TENM4: variants seen among roughly 807,000 people sequenced by gnomAD.
TENM4 encodes the protein teneurin transmembrane protein 4.
A neutral mutation model predicts 243.3 loss-of-function variants in TENM4; 82 were observed. The ratio of observed to expected loss-of-function variants is 0.34; its 90% CI spans 0.28 to 0.40. TENM4 has a LOEUF of 0.40. Ranked by LOEUF, TENM4 falls within the 10% of genes least tolerant of loss-of-function variation. The probability of loss-of-function intolerance (pLI) is 1.00; values close to 1 mark genes in which losing one functional copy is unlikely to be tolerated. For missense variants in TENM4, 3,138 were observed against 3,673.3 expected, an observed-to-expected ratio of 0.85 and a Z score of 3.77; for synonymous variants, 1,412 against 1,456.3, an observed-to-expected ratio of 0.97 and a Z score of 0.69.
At chr11:79,101,750 A>C (rs1861237999) in intron 4 of TENM4, among the ~76,000 whole-genome samples, 1 of 152,238 alleles carries the variant, frequency 6.6e-6, no homozygotes, top group Admixed American at 6.5e-5. Context: ...CACTGCTGGC[A>C]GAAAAGTACT....
chr11:78,925,352 A>G (rs982617742), intron 6 of TENM4, among the ~76,000 whole-genome samples: 1 of 152,092 alleles, frequency 6.6e-6, no homozygotes, highest in Non-Finnish European at 1.5e-5. Context: ...TGTTAGTAGT[A>G]GTAGTTTTCC....
intron 1 of TENM4, among the ~76,000 whole-genome samples, chr11:79,428,245 T>C (rs1225364167): frequency 4.6e-5 from 7 of 152,158 alleles, no homozygotes; most frequent in South Asian, 2.1e-4. Flanking sequence ...CTCTCCAAAA[T>C]ACAACACATT....
intron 3 of TENM4, among the ~76,000 whole-genome samples, chr11:79,153,664 G>T (rs931539431): frequency 6.6e-6 from 1 of 152,162 alleles, no homozygotes; most frequent in African/African-American, 2.4e-5. Context: ...AAGGGGAAGG[G>T]TAGTTTTCTG....
chr11:78,821,701 C>A (rs1857737854), intron 12 of TENM4, among the ~76,000 whole-genome samples: 1 of 152,140 alleles, frequency 6.6e-6, no homozygotes, highest in African/African-American at 2.4e-5. Flanking sequence ...ATTGAAAATT[C>A]AGCTTACTAA....
intron 19 of TENM4, among the ~76,000 whole-genome samples, chr11:78,750,516 C>T (rs766464200): frequency 2.0e-5 from 3 of 152,204 alleles, no homozygotes; most frequent in African/African-American, 4.8e-5. Flanking sequence ...ACTCTAAGCC[C>T]GCCCTGTGTT....
chr11:78,801,806 T>G (rs774759226), intron 15 of TENM4, among the ~76,000 whole-genome samples: 3 of 152,134 alleles, frequency 2.0e-5, no homozygotes, highest in Non-Finnish European at 4.4e-5. Context: ...CAGCTCCTGA[T>G]GGGAGGGACT....
chr11:78,989,402 T>C (rs1857988817), intron 6 of TENM4, among the ~76,000 whole-genome samples: 2 of 152,164 alleles, frequency 1.3e-5, no homozygotes. Context: ...TATTTTTTGG[T>C]GGCAACTTCT....
chr11:79,287,220 G>C (rs1032603705), intron 2 of TENM4, among the ~76,000 whole-genome samples: 3 of 152,174 alleles, frequency 2.0e-5, no homozygotes, highest in Non-Finnish European at 2.9e-5. Context: ...CCAGCACATG[G>C]GGCAGGATGA....
At chr11:78,969,574 C>T (rs1273286146) in intron 6 of TENM4, among the ~76,000 whole-genome samples, 1 of 152,228 alleles carries the variant, frequency 6.6e-6, no homozygotes, top group Non-Finnish European at 1.5e-5. Context: ...CTTTTTAACA[C>T]TTTGCTCAGC....
chr11:78,737,749 A>C (rs1855833056), intron 20 of TENM4, among the ~76,000 whole-genome samples: 1 of 152,194 alleles, frequency 6.6e-6, no homozygotes, highest in African/African-American at 2.4e-5. Flanking sequence ...CAAATAGCTA[A>C]TATTTATTGT....
intron 1 of TENM4, among the ~76,000 whole-genome samples, chr11:79,322,552 T>C (rs1238049765): frequency 2.6e-5 from 4 of 151,834 alleles, no homozygotes; most frequent in African/African-American, 9.7e-5. Context: ...AAGAGAGAGA[T>C]TAAACAGTTA....
intron 17 of TENM4, 104 bp from the exon 18 acceptor site, chr11:78,771,242 CA>C (rs1856641613): frequency 7.1e-7 from 1 of 1,411,054 alleles, no homozygotes; most frequent in Admixed American, 2.0e-5. Flanking sequence ...TCATATCCAT[CA>C]GCACACGAAT....
chr11:79,085,745 G>GTCACCCTT (rs61530266), intron 4 of TENM4, among the ~76,000 whole-genome samples: 1 of 151,382 alleles, frequency 6.6e-6, no homozygotes, highest in Non-Finnish European at 1.5e-5. Flanking sequence ...TTTGGCTAAT[G>GTCACCCTT]TAAAACACCA....
At chr11:78,980,466 A>C (rs1462363298) in intron 6 of TENM4, among the ~76,000 whole-genome samples, 1 of 152,184 alleles carries the variant, frequency 6.6e-6, no homozygotes, top group Non-Finnish European at 1.5e-5. Context: ...AAAAGGAGCA[A>C]AGCTCTATAA....
chr11:78,686,237 A>C (rs1018027992), intron 29 of TENM4, among the ~76,000 whole-genome samples: 1 of 152,184 alleles, frequency 6.6e-6, no homozygotes, highest in African/African-American at 2.4e-5. Flanking sequence ...TAAAAGGCCC[A>C]AGAAGACAGA....
intron 9 of TENM4, among the ~76,000 whole-genome samples, chr11:78,867,496 G>C (rs528835040): frequency 1.3e-5 from 2 of 152,324 alleles, no homozygotes; most frequent in Admixed American, 6.5e-5. Context: ...TTATGGGAGA[G>C]GGGGAGAGGG....
At chr11:79,236,548 C>T (rs1864477250) in intron 2 of TENM4, among the ~76,000 whole-genome samples, 1 of 152,182 alleles carries the variant, frequency 6.6e-6, no homozygotes, top group Non-Finnish European at 1.5e-5. Flanking sequence ...TCACTTTGTG[C>T]TCGCTTTGTT....
At chr11:79,248,841 G>T (rs1590824877) in intron 2 of TENM4, among the ~76,000 whole-genome samples, 1 of 152,132 alleles carries the variant, frequency 6.6e-6, no homozygotes, top group Non-Finnish European at 1.5e-5. Flanking sequence ...GGAAGACAAA[G>T]CTTCCCTCCC....
chr11:79,308,720 A>G (rs1856667750), intron 1 of TENM4, among the ~76,000 whole-genome samples: 1 of 152,242 alleles, frequency 6.6e-6, no homozygotes, highest in Non-Finnish European at 1.5e-5. Flanking sequence ...CGAGGCTAGC[A>G]CAGGCCCCTG....
Sources: gnomAD v4.1 joint callset for allele counts (sites outside exome capture counted in the v4.1 genomes callset) on GRCh38, gnomAD v4.1.1 for gene constraint, MANE v1.5 for transcripts, NCBI Gene and HGNC (gene_info 2026-07-23, HGNC 2026-07-21) for gene names.